The following LGR5 variants were observed in gnomAD, a reference collection of about 807,000 sequenced individuals.
The protein encoded by LGR5 is leucine-rich repeat-containing G protein-coupled receptor 5.
A neutral mutation model predicts 76.7 loss-of-function variants in LGR5; 54 were observed. The ratio of observed to expected loss-of-function variants is 0.70; its 90% confidence interval spans 0.57 to 0.88. The LOEUF is 0.88. Ranked by LOEUF, LGR5 falls within the 40% of genes least tolerant of loss-of-function variation. The pLI, the probability that LGR5 is intolerant of heterozygous loss-of-function variation, is 0.00. For missense variants in LGR5, 1,078 were observed against 1,073.3 expected, an observed-to-expected ratio of 1.00 and a Z score of -0.06; for synonymous variants, 406 against 421.9, an observed-to-expected ratio of 0.96 and a Z score of 0.46.
At chr12:71,461,908 TCCAAGAA>T (rs2137228482) in intron 1 of LGR5, among the ~76,000 whole-genome samples, 1 of 152,258 alleles carries the variant, frequency 6.6e-6, no homozygotes, top group Non-Finnish European at 1.5e-5. Context: ...GGGTAAATAC[TCCAAGAA>T]TCCAGCCTTA....
rs1447208638 is a variant in LGR5 at position 71,564,742 on chromosome 12, G to C, written c.858-1662G>C. Among the ~76,000 whole-genome samples, 2 of 21,814 alleles carry C rather than the reference G, an allele frequency of 9.2e-5. 1 individual carries two copies. The highest frequency in any genetic ancestry group is 1.5e-4 in the African/African-American group (2 of 13,102). The allele number at this position is 21,814 out of a possible 152,430, so 14.3% of individuals were successfully genotyped here. On this transcript the variant is annotated intron_variant, in intron 8 of 17. Transcript: ENST00000266674. ...ATATATACATATATGTACACACACT[G>C]TATATATATACATATATACATATAT...
At position 71,576,628 on chromosome 12, in the gene LGR5, G is replaced by A. The variant is rs138942032; in HGVS notation, c.1209-1297G>A. Among the ~76,000 whole-genome samples the A allele has an allele frequency of 1.1e-3, 167 of 152,224 alleles. 1 individual carries two copies. Among genetic ancestry groups the A allele is most frequent in the African/African-American group, 3.7e-3 (155 of 41,526 alleles). On this transcript the variant is annotated intron_variant, in intron 13 of 17. Transcript: ENST00000266674. ...CTGGGGCTGCTGGGAGGATTCCAGC[G>A]CACGGGCTCATGAATTGAAAAGGAA...
Position 71,452,028 on chromosome 12 carries a change from C to T in LGR5, c.212+11736C>T, listed in dbSNP as rs1029209639. On this transcript the variant is annotated intron_variant, in intron 1 of 17. Transcript: ENST00000266674. ...GGGATAGCCCCTACATCCCACAGCA[C>T]ACTGAAACTATTCAACTAGCCAATC... 3.9e-5 allele frequency among the ~76,000 whole-genome samples: 6 copies of T among 152,334 alleles called. No homozygotes were observed. The South Asian group carries it at 6.2e-4, about 16-fold the overall frequency.
chr12:71,480,755 G>A (rs1873561607), intron 1 of LGR5, among the ~76,000 whole-genome samples: 1 of 152,158 alleles, frequency 6.6e-6, no homozygotes, highest in South Asian at 2.1e-4. Context: ...CAGCTGATGA[G>A]ATCCTTTCAA....
intron 7 of LGR5, 41 bp from the exon 8 acceptor site, chr12:71,561,740 A>G (rs1029768316): frequency 1.6e-6 from 2 of 1,233,594 alleles, no homozygotes; most frequent in Non-Finnish European, 1.2e-6. Context: ...AAATAATTTT[A>G]CCCCACACAG....
chr12:71,455,646 T>TC (rs1872440751), intron 1 of LGR5, among the ~76,000 whole-genome samples: 1 of 152,198 alleles, frequency 6.6e-6, no homozygotes. Context: ...TTTGTGCACC[T>TC]AGCAGCAAAA....
intron 3 of LGR5, 77 bp from the exon 4 acceptor site, chr12:71,535,038 G>C: frequency 1.0e-6 from 1 of 952,614 alleles, no homozygotes; most frequent in South Asian, 1.4e-5. Flanking sequence ...CTGACACCTG[G>C]AACAGTGCCT....
intron 3 of LGR5, among the ~76,000 whole-genome samples, chr12:71,527,214 A>G (rs770608307): frequency 6.6e-6 from 1 of 152,196 alleles, no homozygotes; most frequent in Non-Finnish European, 1.5e-5. Flanking sequence ...TACTTTGCTG[A>G]CCTAAAGACT....
At chr12:71,524,315 A>G in intron 2 of LGR5, 91 bp from the exon 3 acceptor site, 2 of 876,598 alleles carry the variant, frequency 2.3e-6, no homozygotes, top group Non-Finnish European at 1.7e-6. Context: ...TTTGTGGTTT[A>G]AACATAGTTG....
chr12:71,527,956 T>C (rs2137350219), intron 3 of LGR5, among the ~76,000 whole-genome samples: 1 of 152,304 alleles, frequency 6.6e-6, no homozygotes, highest in East Asian at 1.9e-4. Flanking sequence ...CTTCTTACTG[T>C]CCCTCCATAC....
chr12:71,467,759 A>C (rs1373887822), intron 1 of LGR5, among the ~76,000 whole-genome samples: 1 of 152,196 alleles, frequency 6.6e-6, no homozygotes, highest in African/African-American at 2.4e-5. Context: ...CTGCCTAGAA[A>C]GTACTTGTTC....
chr12:71,553,478 C>T (rs1877600608), intron 5 of LGR5, among the ~76,000 whole-genome samples, 190 bp downstream of exon 5: 3 of 152,218 alleles, frequency 2.0e-5, no homozygotes, highest in South Asian at 4.1e-4. Flanking sequence ...TATCAATTAC[C>T]TGCTAGATGC....
At chr12:71,441,208 G>A (rs1426837095) in intron 1 of LGR5, among the ~76,000 whole-genome samples, 1 of 152,106 alleles carries the variant, frequency 6.6e-6, no homozygotes, top group Non-Finnish European at 1.5e-5. Flanking sequence ...GGAAAACCCA[G>A]GCCCGAAGGT....
At chr12:71,466,080 G>A (rs896786100) in intron 1 of LGR5, among the ~76,000 whole-genome samples, 3 of 152,212 alleles carry the variant, frequency 2.0e-5, no homozygotes, top group Admixed American at 6.5e-5. Context: ...GTGTACTTCA[G>A]TGATTCCTGT....
chr12:71,556,824 A>G, intron 6 of LGR5, 134 bp downstream of exon 6: 1 of 695,822 alleles, frequency 1.4e-6, no homozygotes, highest in South Asian at 1.7e-5. Context: ...TTACAGTGGC[A>G]TTATCTTACA....
intron 2 of LGR5, among the ~76,000 whole-genome samples, chr12:71,513,341 A>T (rs1875264217): frequency 6.6e-6 from 1 of 152,202 alleles, no homozygotes; most frequent in Non-Finnish European, 1.5e-5. Flanking sequence ...AGCAATGGGC[A>T]ATGGTTTTCT....
chr12:71,564,073 T>C (rs1878207833), intron 8 of LGR5, among the ~76,000 whole-genome samples: 1 of 2,376 alleles, frequency 4.2e-4, no homozygotes, highest in African/African-American at 5.2e-4. Flanking sequence ...TATATGCATA[T>C]ATACGTATCT....
At chr12:71,470,853 CTAGATTA>C (rs375379537) in intron 1 of LGR5, among the ~76,000 whole-genome samples, 8 of 152,282 alleles carry the variant, frequency 5.3e-5, no homozygotes, top group African/African-American at 1.7e-4. Context: ...CTCTTCATCC[CTAGATTA>C]GGCACTAGGC....
intron 4 of LGR5, among the ~76,000 whole-genome samples, chr12:71,550,756 G>A (rs1308483270): frequency 6.6e-6 from 1 of 151,952 alleles, no homozygotes; most frequent in Non-Finnish European, 1.5e-5. Flanking sequence ...GAGCCAACGG[G>A]CCCAGCCACC....
Sources: allele counts gnomAD v4.1 joint callset (sites outside exome capture counted in the v4.1 genomes callset), GRCh38; gene constraint gnomAD v4.1.1; transcripts MANE v1.5; gene names NCBI Gene and HGNC (gene_info 2026-07-23, HGNC 2026-07-21).